COL25A1: variants seen among roughly 807,000 people sequenced by gnomAD.
COL25A1 encodes collagen type XXV alpha 1 chain, also known as collagen alpha-1(XXV) chain.
COL25A1 carries 103 observed loss-of-function variants against 128.4 expected under a neutral mutation model. The ratio of observed to expected loss-of-function variants is 0.80; its 90% CI spans 0.68 to 0.94. COL25A1 has a LOEUF of 0.94. COL25A1 is among the 40% of genes least tolerant of loss of function. The pLI is 0.00. For synonymous variants in COL25A1, 279 were observed against 277.2 expected (o/e 1.01, Z -0.06); for missense variants, 745 against 840.0 (o/e 0.89, Z 1.40).
Position 108,860,990 on chromosome 4 carries a change from G to C in COL25A1, c.1198-19C>G. The C allele has an allele frequency of 6.2e-7, 1 of 1,611,764 alleles. No homozygotes were observed. Among genetic ancestry groups the C allele is most frequent in the Non-Finnish European group, 8.5e-7 (1 of 1,178,092 alleles). On this transcript the variant is annotated intron_variant, in intron 22 of 37. Coordinates refer to ENST00000399132, the MANE Select transcript of COL25A1 (RefSeq NM_198721.4). ...GATCCCCCTTTTCCCGTTGGAAAGA[G>C]AAAAAACTTAATCAGAAGTGGGGGA...
chr4:108,821,177 C>A (rs895647921), intron 35 of COL25A1, among the ~76,000 whole-genome samples: 5 of 152,116 alleles, frequency 3.3e-5, no homozygotes, highest in African/African-American at 1.2e-4. Context: ...ACAGCATGAG[C>A]AAAAGCTCTT....
At chr4:108,880,414 A>G (rs1052804156) in intron 19 of COL25A1, among the ~76,000 whole-genome samples, 2 of 152,204 alleles carry the variant, frequency 1.3e-5, no homozygotes, top group African/African-American at 4.8e-5. Context: ...CAGAATTTAT[A>G]TTTACTAACC....
At chr4:108,942,725 C>T (rs986973894) in intron 8 of COL25A1, among the ~76,000 whole-genome samples, 14 of 146,956 alleles carry the variant, frequency 9.5e-5, no homozygotes, top group Admixed American at 2.7e-4. Context: ...ACTGGGATTA[C>T]AGGCATGAGC....
intron 3 of COL25A1, among the ~76,000 whole-genome samples, chr4:109,205,016 T>C (rs193084656): frequency 5.3e-4 from 80 of 152,330 alleles, no homozygotes; most frequent in Admixed American, 1.6e-3. Flanking sequence ...ATTGTTCCAA[T>C]ATAAAATATT....
At chr4:109,111,857 T>C (rs1239310634) in intron 3 of COL25A1, among the ~76,000 whole-genome samples, 1 of 152,168 alleles carries the variant, frequency 6.6e-6, no homozygotes, top group Non-Finnish European at 1.5e-5. Context: ...GTCAGGAATA[T>C]AGTAGATGCT....
chr4:108,982,766 C>T (rs544251075), intron 6 of COL25A1, among the ~76,000 whole-genome samples: 1 of 152,072 alleles, frequency 6.6e-6, no homozygotes, highest in African/African-American at 2.4e-5. Flanking sequence ...TACTAGAAAA[C>T]AAATTTTTAT....
rs145840925 is a variant in COL25A1 at position 108,871,737 on chromosome 4, A to G, written c.1021-2587T>C. ...TCTTATTTCGATTTATTCAAGGAGA[A>G]AAACCACATACTTAATTTTAGGATC... is the stretch of plus-strand genomic sequence containing the variant. On this transcript the variant is annotated intron_variant, in intron 19 of 37. Transcript: ENST00000399132. Among the ~76,000 whole-genome samples the G allele has an allele frequency of 2.2e-4, 33 of 152,332 alleles. 1 individual carries two copies. The highest frequency in any genetic ancestry group is 7.5e-4 in the African/African-American group (31 of 41,580).
chr4:109,073,358 T>C (rs1299305400), intron 3 of COL25A1, among the ~76,000 whole-genome samples: 1 of 152,234 alleles, frequency 6.6e-6, no homozygotes, highest in East Asian at 1.9e-4. Context: ...ATGATGGGCA[T>C]CATGAGAATG....
chr4:108,859,640 G>C lies in COL25A1; in HGVS notation c.1320+16C>G. On this transcript the variant is annotated intron_variant, in intron 24 of 37. Coordinates refer to ENST00000399132, the MANE Select transcript of COL25A1 (RefSeq NM_198721.4). Reference sequence around the variant, plus strand: ...ATCCTTCTCAGTGTGTGTCAGGGCAGGGACCAGTCACTTGCCTGTAAGGCT... The same window carrying C: ...ATCCTTCTCAGTGTGTGTCAGGGCACGGACCAGTCACTTGCCTGTAAGGCT... The C allele has an allele frequency of 6.2e-7, 1 of 1,610,784 alleles. No homozygotes were observed. The highest frequency in any genetic ancestry group is 8.5e-7 in the Non-Finnish European group (1 of 1,177,900).
intron 3 of COL25A1, among the ~76,000 whole-genome samples, chr4:109,182,973 A>G (rs943862734): frequency 6.6e-6 from 1 of 152,040 alleles, no homozygotes; most frequent in Non-Finnish European, 1.5e-5. Context: ...TGCTTTATCA[A>G]AATCCTTTTT....
intron 3 of COL25A1, among the ~76,000 whole-genome samples, chr4:109,241,946 G>A (rs765846533): frequency 2.0e-5 from 3 of 151,436 alleles, no homozygotes; most frequent in Non-Finnish European, 4.4e-5. Context: ...TTTAAAAGTT[G>A]AAAGTCACCA....
intron 11 of COL25A1, among the ~76,000 whole-genome samples, chr4:108,922,870 T>C (rs921479283): frequency 2.0e-5 from 3 of 152,184 alleles, no homozygotes; most frequent in African/African-American, 7.2e-5. Context: ...CTGCCAAGAA[T>C]ATATTCAGTT....
chr4:108,846,123 G>T lies in COL25A1; in HGVS notation c.1515+16C>A. The T allele has an allele frequency of 1.9e-6, 3 of 1,540,182 alleles. No individual in the cohort carries two copies. The highest frequency in any genetic ancestry group is 2.7e-6 in the Non-Finnish European group (3 of 1,114,346). On this transcript the variant is annotated intron_variant, in intron 28 of 37. Coordinates refer to ENST00000399132, the MANE Select transcript of COL25A1 (RefSeq NM_198721.4). ...ATAATATAAAAAGTATAAACAAACAGAAAGTATAAACATACCGGTAATCCA... is the reference window on the plus strand; with the variant it reads ...ATAATATAAAAAGTATAAACAAACATAAAGTATAAACATACCGGTAATCCA...
chr4:108,863,270 A>G, intron 21 of COL25A1, 49 bp downstream of exon 21: 1 of 1,572,600 alleles, frequency 6.4e-7, no homozygotes, highest in Non-Finnish European at 8.7e-7. Context: ...TGTGTTCTAA[A>G]TCAAATCAAG....
In COL25A1 at chr4:108,878,808, T is replaced by C. The variant is rs189820070; in HGVS notation, c.1020+5370A>G. 1.8e-3 allele frequency among the ~76,000 whole-genome samples: 268 copies of C among 152,294 alleles called. 3 individuals carry two copies. Among genetic ancestry groups the C allele is most frequent in the African/African-American group, 6.1e-3 (255 of 41,566 alleles). ...TTATTGGAGGTTTCATTCTTGCAGC[T>C]AAAAATCTCTGATTTCTGGTTATGT... On this transcript the variant is annotated intron_variant, in intron 19 of 37. Coordinates refer to ENST00000399132, the MANE Select transcript of COL25A1 (RefSeq NM_198721.4).
intron 18 of COL25A1, among the ~76,000 whole-genome samples, chr4:108,884,860 A>G (rs1740590773): frequency 6.6e-6 from 1 of 152,296 alleles, no homozygotes; most frequent in East Asian, 1.9e-4. Flanking sequence ...TGCTGAATAC[A>G]GGTTTGAGAT....
chr4:109,151,019 G>T (rs919957190), intron 3 of COL25A1, among the ~76,000 whole-genome samples: 1 of 151,916 alleles, frequency 6.6e-6, no homozygotes, highest in Admixed American at 6.6e-5. Context: ...GTTATAACCT[G>T]CAAAAAAGAG....
At chr4:108,927,597 G>A (rs1746221055) in intron 11 of COL25A1, among the ~76,000 whole-genome samples, 1 of 152,118 alleles carries the variant, frequency 6.6e-6, no homozygotes. Flanking sequence ...CCCAGAGCCT[G>A]TTACGAAGAT....
intron 5 of COL25A1, among the ~76,000 whole-genome samples, chr4:109,022,603 C>T (rs76547416): frequency 0.01 from 1,578 of 152,246 alleles, 16 homozygotes; most frequent in Non-Finnish European, 0.017. Flanking sequence ...AGTTCCAACA[C>T]TTGAAAATGC....
Sources: allele counts gnomAD v4.1 joint callset (sites outside exome capture counted in the v4.1 genomes callset), GRCh38; gene constraint gnomAD v4.1.1; transcripts MANE v1.5; gene names NCBI Gene and HGNC (gene_info 2026-07-23, HGNC 2026-07-21).